CLCN1: variants seen among roughly 807,000 people sequenced by gnomAD.
The protein encoded by CLCN1 is chloride voltage-gated channel 1, also known as chloride channel protein 1.
In CLCN1, 100 loss-of-function variants were observed where a neutral mutation model predicts 114.5. That is an observed-to-expected ratio of 0.87 (90% CI 0.74 to 1.03). The LOEUF is 1.03. CLCN1 is among the 50% of genes least tolerant of loss of function. The pLI, the probability that CLCN1 is intolerant of heterozygous loss-of-function variation, is 0.00. For missense variants in CLCN1, 1,188 were observed against 1,250.0 expected (o/e 0.95, Z 0.75); for synonymous variants, 485 against 487.1 (o/e 1.00, Z 0.06).
At chr7:143,342,182 G>C in intron 15 of CLCN1, 40 bp downstream of exon 15, 1 of 1,587,884 alleles carries the variant, frequency 6.3e-7, no homozygotes, top group Non-Finnish European at 8.6e-7. Flanking sequence ...ATCTGATGGG[G>C]AGAGTGGGAG....
At position 143,321,367 on chromosome 7, in the gene CLCN1, T is replaced by C. The variant is rs1802426965; in HGVS notation, c.436T>C (p.Tyr146His). ...DYVSAKSLQAYKWSYAQMQPS... is the reference protein window; with the variant it reads ...DYVSAKSLQAHKWSYAQMQPS... ...ACCCCAGGCATGTGTCTCCGCAGCC[T>C]ACAAGTGGTCCTACGCGCAGATGCA... Residue 146 changes from tyrosine to histidine, a missense_variant and splice_region_variant, in exon 4 of 23, where the codon TAC (tyrosine) becomes CAC (histidine). By Grantham distance (83) the Tyr-to-His change is moderately conservative (BLOSUM62 2). Transcript: ENST00000343257. This position sits in a 1 kb window ranked among gnomAD's most constrained non-coding sequence, Gnocchi z 4.2. 1 of 1,614,210 alleles carries C rather than the reference T, an allele frequency of 6.2e-7. No homozygotes were observed. The highest frequency in any genetic ancestry group is 8.5e-7 in the Non-Finnish European group (1 of 1,180,032).
intron 6 of CLCN1, chr7:143,323,764 C>T (rs574378153): frequency 1.2e-5 from 6 of 483,258 alleles, no homozygotes; most frequent in African/African-American, 5.9e-5. Flanking sequence ...CTCTTACATA[C>T]GTCCCGCCTG....
intron 2 of CLCN1, 39 bp from the exon 3 acceptor site, chr7:143,320,622 TTTG>T (rs759775115): frequency 1.7e-5 from 27 of 1,572,010 alleles, no homozygotes; most frequent in Non-Finnish European, 2.3e-5. Context: ...TGTTTGTTTG[TTTG>T]TTGTTTGTTT....
chr7:143,316,323 T>C lies in CLCN1; in HGVS notation c.111T>C (p.Ser37=). Residue 37 remains serine (S), a synonymous_variant, in exon 1 of 23, where the codon TCT becomes TCC. Transcript: ENST00000343257. ...ACTGCACCAGCTACGGACTGCCCTC[T>C]GAGAATGGGGGCCTCCAGCACAGGC... is the stretch of plus-strand genomic sequence containing the variant. The part of the protein sequence containing the change: ...FEHCTSYGLP[S]ENGGLQHRLR... The C allele has an allele frequency of 6.2e-7, 1 of 1,613,082 alleles. No individual in the cohort carries two copies. Among genetic ancestry groups the C allele is most frequent in the Non-Finnish European group, 8.5e-7 (1 of 1,179,866 alleles).
intron 20 of CLCN1, among the ~76,000 whole-genome samples, chr7:143,347,349 G>A (rs1000064011): frequency 6.6e-6 from 1 of 152,124 alleles, no homozygotes; most frequent in Non-Finnish European, 1.5e-5. Flanking sequence ...GGCCGGGCAT[G>A]GTGGCTCATG....
intron 2 of CLCN1, among the ~76,000 whole-genome samples, chr7:143,320,277 T>G (rs931631675): frequency 4.6e-5 from 7 of 152,186 alleles, no homozygotes; most frequent in African/African-American, 1.7e-4. Flanking sequence ...GCTTGGCCCC[T>G]CTAAGTATTA....
Position 143,316,259 on chromosome 7 carries a change from G to A in CLCN1, c.47G>A (p.Trp16Ter), listed in dbSNP as rs769092535. The change falls in exon 1 of 23, where the codon TGG (tryptophan) becomes TAG (stop). Residue 16 changes from tryptophan (W) to a stop codon, truncating the protein, a stop_gained. Transcript: ENST00000343257. LOFTEE classifies it high-confidence loss of function. ...CAGCGTGGGGGTGAACAAAGCTGGT[G>A]GGGTAGTGACCCCCAGTACCAGTAT... ...SQQRGGEQSW[W>*]GSDPQYQYMP... The A allele has an allele frequency of 6.2e-6, 10 of 1,613,656 alleles. No individual in the cohort carries two copies. The South Asian group carries it at 8.8e-5, about 14-fold the overall frequency.
Position 143,350,432 on chromosome 7 carries a change from G to C in CLCN1, c.2464G>C (p.Asp822His), listed in dbSNP as rs143146088. ...QPVCFDSCCIDQSPFQLVEQT... is the reference protein window; with the variant it reads ...QPVCFDSCCIHQSPFQLVEQT... The stretch of plus-strand genomic sequence containing the variant: ...TGTCTGTTTTGATTCCTGCTGTATT[G>C]ACCAGTCTCCCTTCCAGCTGGTGGA... Residue 822 changes from aspartate to histidine, a missense_variant, in exon 21 of 23, where the codon GAC becomes CAC. Asp to His is a moderately conservative substitution (Grantham distance 81). Coordinates refer to ENST00000343257, the MANE Select transcript of CLCN1 (RefSeq NM_000083.3). This position sits in a 1 kb window ranked among gnomAD's most constrained non-coding sequence, Gnocchi z 5.1. 1.2e-6 allele frequency: 2 copies of C among 1,614,158 alleles called. No individual in the cohort carries two copies. The highest frequency in any genetic ancestry group is 1.7e-6 in the Non-Finnish European group (2 of 1,180,020).
chr7:143,327,866 G>A (rs1402322321), intron 7 of CLCN1, among the ~76,000 whole-genome samples: 7 of 152,094 alleles, frequency 4.6e-5, no homozygotes, highest in Non-Finnish European at 7.4e-5. Context: ...TGTTGGCCAG[G>A]CTGGTCTCAA....
In CLCN1 at chr7:143,321,543, C is replaced by T. The variant is rs775671165; in HGVS notation, c.562+50C>T. 6.2e-7 allele frequency: 1 copy of T among 1,613,038 alleles called. No individual in the cohort carries two copies. The highest frequency in any genetic ancestry group is 8.5e-7 in the Non-Finnish European group (1 of 1,179,848). ...CCTGAGCTGGGTGGCCTGAGAGGGG[C>T]CCTGTCTGTCTCCCCCATCATCCAG... On this transcript the variant is annotated intron_variant, in intron 4 of 22. Coordinates refer to ENST00000343257, the MANE Select transcript of CLCN1 (RefSeq NM_000083.3). The surrounding 1 kb of genome is among the most constrained non-coding windows in gnomAD (Gnocchi z 4.2).
At position 143,344,059 on chromosome 7, in the gene CLCN1, C is replaced by T. The variant is rs184991568; in HGVS notation, c.1931-1462C>T. On this transcript the variant is annotated intron_variant, in intron 16 of 22. Coordinates refer to ENST00000343257, the MANE Select transcript of CLCN1 (RefSeq NM_000083.3). ...TTCACCATGTTGGCCAGGCTGGTCT[C>T]GAACTCCTGACCTCAGGCGATCCAC... Among the ~76,000 whole-genome samples the T allele has an allele frequency of 3.8e-3, 579 of 151,974 alleles. 3 individuals are homozygous for T. The highest frequency in any genetic ancestry group is 8.6e-3 in the African/African-American group (355 of 41,422).
chr7:143,345,504 G>A lies in CLCN1; in HGVS notation c.1931-17G>A, dbSNP rs1191471418. On this transcript the variant is annotated splice_polypyrimidine_tract_variant and intron_variant, in intron 16 of 22. Transcript: ENST00000343257. ...GGCTTGGAGGGGGCGCTCAGGCAGG[G>A]CGTGGGTTTCCCTCAGATTCAATGA... The A allele has an allele frequency of 6.6e-7, 1 of 1,525,964 alleles. No individual in the cohort carries two copies. Among genetic ancestry groups the A allele is most frequent in the Non-Finnish European group, 8.8e-7 (1 of 1,130,012 alleles). The allele number at this position is 1,525,964 out of a possible 1,614,324, so 94.5% of individuals were successfully genotyped here. A position where few individuals can be genotyped will look rare whatever the true frequency, so the allele number is the denominator to read the frequency against.
chr7:143,349,033 G>A (rs903360916), intron 20 of CLCN1, among the ~76,000 whole-genome samples: 1 of 152,182 alleles, frequency 6.6e-6, no homozygotes, highest in Non-Finnish European at 1.5e-5. Context: ...AAGTCAATTA[G>A]AATAATGCTT....
chr7:143,346,351 G>C (rs1803246399), intron 18 of CLCN1, 100 bp downstream of exon 18: 2 of 827,248 alleles, frequency 2.4e-6, no homozygotes, highest in African/African-American at 3.4e-5. Context: ...TGCGGGGTGG[G>C]GTGGGGGGTG....
At position 143,339,292 on chromosome 7, in the gene CLCN1, T is replaced by C; in HGVS notation, c.1441T>C (p.Cys481Arg). ...CGTGGCCACCACTATGCCCATACCCTGCGGAGGCTTCATGCCTGTGTTTGT... is the reference window on the plus strand; with the variant it reads ...CGTGGCCACCACTATGCCCATACCCCGCGGAGGCTTCATGCCTGTGTTTGT... The part of the protein sequence containing the change: ...SIVATTMPIP[C>R]GGFMPVFVLG... Residue 481 changes from cysteine to arginine, a missense_variant, in exon 13 of 23, where the codon TGC becomes CGC. Transcript: ENST00000343257. The surrounding 1 kb of genome is among the most constrained non-coding windows in gnomAD (Gnocchi z 4.1). 1.2e-6 allele frequency: 2 copies of C among 1,613,268 alleles called. No individual in the cohort carries two copies. The highest frequency in any genetic ancestry group is 8.5e-7 in the Non-Finnish European group (1 of 1,179,138).
chr7:143,337,320 C>T lies in CLCN1; in HGVS notation c.1402-1933C>T, dbSNP rs549760482. ...AGGCAGAAAGGACAAGATGCACTCT[C>T]TGTCCTCAGGGGATTCTCAGTCTCT... On this transcript the variant is annotated intron_variant, in intron 12 of 22. Coordinates refer to ENST00000343257, the MANE Select transcript of CLCN1 (RefSeq NM_000083.3). Among the ~76,000 whole-genome samples, 11 of 152,374 alleles carry T rather than the reference C, an allele frequency of 7.2e-5. No homozygotes were observed. The East Asian group carries it at 2.1e-3, about 29-fold the overall frequency.
In CLCN1 at chr7:143,346,575, T is replaced by G. The variant is rs1299297666; in HGVS notation, c.2285-4T>G. On this transcript the variant is annotated splice_region_variant and splice_polypyrimidine_tract_variant and intron_variant, in intron 18 of 22. Transcript: ENST00000343257. The stretch of plus-strand genomic sequence containing the variant: ...CATTTCCATCCACTCACCTGTCCTC[T>G]CAGGTCAAAGACCCTCCATCTTCCA... The G allele has an allele frequency of 1.2e-6, 2 of 1,610,672 alleles. No homozygotes were observed. The highest frequency in any genetic ancestry group is 2.2e-5 in the South Asian group (2 of 91,022).
chr7:143,325,379 G>A (rs1447914236), intron 7 of CLCN1, among the ~76,000 whole-genome samples: 1 of 152,238 alleles, frequency 6.6e-6, no homozygotes, highest in Non-Finnish European at 1.5e-5. Flanking sequence ...ATGACTTGGT[G>A]CAGGAATGAT....
At chr7:143,340,381 G>A (rs775262942) in intron 14 of CLCN1, among the ~76,000 whole-genome samples, 20 of 152,064 alleles carry the variant, frequency 1.3e-4, no homozygotes, top group Admixed American at 6.5e-5. Flanking sequence ...ACATTTCCTT[G>A]TATGCACGTC....
Sources: allele counts gnomAD v4.1 joint callset (sites outside exome capture counted in the v4.1 genomes callset), GRCh38; gene constraint gnomAD v4.1.1; non-coding constraint Gnocchi (gnomAD v3.1); transcripts MANE v1.5; gene names NCBI Gene and HGNC (gene_info 2026-07-23, HGNC 2026-07-21).